CLCN4: variants seen among roughly 807,000 people sequenced by gnomAD.
CLCN4 encodes the protein H(+)/Cl(-) exchange transporter 4.
Under a neutral mutation model 41.7 loss-of-function variants are expected in CLCN4, and 1 was observed. That is an observed-to-expected ratio of 0.02 (90% CI 0.01 to 0.11). The LOEUF (loss-of-function observed/expected upper bound fraction) is 0.11, where lower values mean the gene tolerates loss of function less well. CLCN4 is among the 10% of genes least tolerant of loss of function. The pLI, the probability that CLCN4 is intolerant of heterozygous loss-of-function variation, is 1.00. For missense variants in CLCN4, 287 were observed against 661.0 expected, an observed-to-expected ratio of 0.43 and a Z score of 6.20; for synonymous variants, 277 against 285.8, an observed-to-expected ratio of 0.97 and a Z score of 0.31.
At chrX:10,183,731 G>A (rs1602144599) in intron 2 of CLCN4, among the ~76,000 whole-genome samples, 1 of 112,244 alleles carries the variant, frequency 8.9e-6, no homozygotes. Flanking sequence ...TGGTTCACTC[G>A]CGATTGTTTT....
chrX:10,172,960 G>C (rs1257748811), intron 2 of CLCN4, among the ~76,000 whole-genome samples: 1 of 111,816 alleles, frequency 8.9e-6, no homozygotes, highest in Non-Finnish European at 1.9e-5. Flanking sequence ...AGGAGCAGGA[G>C]ACCCTGGAGG....
intron 9 of CLCN4, among the ~76,000 whole-genome samples, chrX:10,212,046 G>A (rs1296534485): frequency 1.8e-5 from 2 of 111,615 alleles, no homozygotes; most frequent in African/African-American, 6.5e-5. Context: ...GGGAGCAGTC[G>A]CAGGCCCTTC....
At chrX:10,180,765 C>A (rs1463420264) in intron 2 of CLCN4, among the ~76,000 whole-genome samples, 1 of 29,372 alleles carries the variant, frequency 3.4e-5, no homozygotes. Flanking sequence ...GAAACTCCAT[C>A]TCAAAAAAAA....
rs147395310 is a variant in CLCN4 at position 10,217,503 on chromosome X, C to T, written c.1976-3158C>T. 2.7e-4 allele frequency among the ~76,000 whole-genome samples: 30 copies of T among 111,679 alleles called. No homozygotes were observed. In the East Asian group the frequency reaches 5.6e-3, roughly 21 times the overall value. On this transcript the variant is annotated intron_variant, in intron 11 of 12. Transcript: ENST00000380833. ...TGTCTTTAGACATTGCCAAATGTCCCCTGAGGGTGGAGGCAGAATTGCTCC... is the reference window on the plus strand; with the variant it reads ...TGTCTTTAGACATTGCCAAATGTCCTCTGAGGGTGGAGGCAGAATTGCTCC...
intron 2 of CLCN4, among the ~76,000 whole-genome samples, chrX:10,164,312 G>T (rs186105385): frequency 8.1e-5 from 9 of 111,543 alleles, no homozygotes; most frequent in African/African-American, 2.9e-4. Context: ...GGAGATCGGC[G>T]TGTGCAAAGT....
chrX:10,205,317 C>CA (rs1418786794), intron 6 of CLCN4, among the ~76,000 whole-genome samples: 3 of 109,264 alleles, frequency 2.7e-5, no homozygotes, highest in Non-Finnish European at 5.7e-5. Flanking sequence ...ACTAAAAGTA[C>CA]AAAAAATTAG....
rs1295982514 is a variant in CLCN4, at chrX:10,237,162, T to G, written c.*3578T>G. The G allele has an allele frequency of 5.3e-5, 6 of 112,476 alleles. No homozygotes were observed. 9.3% of individuals were successfully genotyped at this position (112,476 alleles called of 1,213,427 possible). A position where few individuals can be genotyped will look rare whatever the true frequency, so the allele number is the denominator to read the frequency against. ...TAATAAGTCACAGAAATGGAAAATT[T>G]TAGAGCAGTTTGTTTCACTTAGGTG... On this transcript the variant is annotated 3_prime_UTR_variant, in exon 13 of 13. Transcript: ENST00000380833.
At chrX:10,233,427 G>A (rs1214849204) in intron 12 of CLCN4, 67 bp from the exon 13 acceptor site, 1 of 813,926 alleles carries the variant, frequency 1.2e-6, no homozygotes, top group Admixed American at 2.3e-5. Context: ...AGGCACTGGG[G>A]TTTAGGGAGA....
At chrX:10,178,910 A>G (rs1245764605) in intron 2 of CLCN4, among the ~76,000 whole-genome samples, 3 of 112,616 alleles carry the variant, frequency 2.7e-5, no homozygotes, top group East Asian at 5.5e-4. Context: ...GTTGCTTTTT[A>G]TATATAGTTC....
intron 11 of CLCN4, among the ~76,000 whole-genome samples, chrX:10,216,918 T>TATATATATATATATATATATATATATAC (rs773265490): frequency 7.7e-4 from 30 of 38,921 alleles, no homozygotes; most frequent in Non-Finnish European, 1.0e-3. Flanking sequence ...TATATATATA[T>TATATATATATATATATATATATATATAC]ACACACACAC....
intron 4 of CLCN4, among the ~76,000 whole-genome samples, chrX:10,191,777 C>T (rs1277918514): frequency 2.3e-5 from 2 of 86,910 alleles, no homozygotes; most frequent in African/African-American, 4.5e-5. Context: ...TGGCCTCAAA[C>T]GATTTGTCCA....
At chrX:10,216,932 T>C (rs1204623574) in intron 11 of CLCN4, among the ~76,000 whole-genome samples, 7 of 43,748 alleles carry the variant, frequency 1.6e-4, no homozygotes, top group South Asian at 3.2e-3. Flanking sequence ...CACACACACA[T>C]AGAGGGACTT....
chrX:10,163,193 G>A (rs1206630156), intron 2 of CLCN4, among the ~76,000 whole-genome samples: 1 of 112,378 alleles, frequency 8.9e-6, no homozygotes, highest in African/African-American at 3.2e-5. Flanking sequence ...CAGCCTTGCA[G>A]TAGCAGACCA....
chrX:10,215,458 G>A (rs1466554575), intron 11 of CLCN4, among the ~76,000 whole-genome samples: 3 of 111,533 alleles, frequency 2.7e-5, no homozygotes, highest in East Asian at 2.8e-4. Context: ...TTAAGTGTTC[G>A]GCGATGCTTC....
chrX:10,191,867 A>G (rs1270414900), intron 4 of CLCN4, among the ~76,000 whole-genome samples: 3 of 108,883 alleles, frequency 2.8e-5, no homozygotes, highest in African/African-American at 1.0e-4. Flanking sequence ...AGCCTTTAAT[A>G]TACTTATTTT....
intron 2 of CLCN4, among the ~76,000 whole-genome samples, chrX:10,164,857 G>A (rs544125371): frequency 4.4e-5 from 5 of 112,539 alleles, no homozygotes; most frequent in Admixed American, 3.7e-4. Context: ...TCTCTTTCCC[G>A]CTTCTTGTCG....
intron 12 of CLCN4, among the ~76,000 whole-genome samples, chrX:10,221,641 C>T (rs1357293009): frequency 8.9e-6 from 1 of 112,290 alleles, no homozygotes; most frequent in Non-Finnish European, 1.9e-5. Flanking sequence ...CAGAATGAGA[C>T]CCTGTCTTGT....
intron 11 of CLCN4, among the ~76,000 whole-genome samples, chrX:10,219,163 G>C (rs746469061): frequency 1.7e-4 from 19 of 112,214 alleles, no homozygotes; most frequent in African/African-American, 6.1e-4. Flanking sequence ...CAAGTGGATC[G>C]ACCATTTATT....
intron 11 of CLCN4, among the ~76,000 whole-genome samples, chrX:10,216,918 T>TATATATATAC (rs773265490): frequency 7.7e-5 from 3 of 38,923 alleles, no homozygotes; most frequent in Non-Finnish European, 4.2e-5. Context: ...TATATATATA[T>TATATATATAC]ACACACACAC....
Sources: allele counts gnomAD v4.1 joint callset (sites outside exome capture counted in the v4.1 genomes callset), GRCh38; gene constraint gnomAD v4.1.1; transcripts MANE v1.5; gene names NCBI Gene and HGNC (gene_info 2026-07-23, HGNC 2026-07-21).